The following RREB1 variants were observed in gnomAD, a reference collection of about 807,000 sequenced individuals.
The protein encoded by RREB1 is ras-responsive element-binding protein 1.
RREB1 carries 27 observed loss-of-function variants against 117.8 expected under a neutral mutation model. That is an observed-to-expected ratio of 0.23 (90% CI 0.17 to 0.32). The LOEUF is 0.32. Among genes scored for constraint, RREB1 ranks in the 10% least tolerant of loss-of-function variants. The pLI is 1.00. For synonymous variants in RREB1, 1,298 were observed against 1,026.7 expected (o/e 1.26, Z -5.05); for missense variants, 2,577 against 2,378.2 (o/e 1.08, Z -1.74).
At chr6:7,125,987 T>TTTTGTTTGTTTG (rs58891233) in intron 1 of RREB1, among the ~76,000 whole-genome samples, 3,403 of 150,790 alleles carry the variant, frequency 0.023, 47 homozygotes, top group Admixed American at 0.04. Context: ...AAGGACTGTT[T>TTTTGTTTGTTTG]TTTGTTTGTT....
At chr6:7,140,220 A>G (rs955874008) in intron 1 of RREB1, among the ~76,000 whole-genome samples, 6 of 152,242 alleles carry the variant, frequency 3.9e-5, no homozygotes, top group Non-Finnish European at 5.9e-5. Flanking sequence ...TGGCAAGGCA[A>G]GTGACTTTAA....
intron 6 of RREB1, among the ~76,000 whole-genome samples, chr6:7,208,317 G>A (rs181415837): frequency 3.9e-5 from 6 of 152,278 alleles, no homozygotes; most frequent in African/African-American, 1.2e-4. Context: ...TCCTGTTGTT[G>A]GAGGCTAGGG....
Position 7,246,556 on chromosome 6 carries a change from C to A in RREB1, c.4106C>A (p.Ala1369Asp). ...QVAGDAPVEQATAETASPVHR... is the reference protein window; with the variant it reads ...QVAGDAPVEQDTAETASPVHR... ...GCAGGGGATGCGCCTGTGGAGCAGG[C>A]CACGGCGGAAACGGCCTCGCCGGTG... The change falls in exon 12 of 13, where the codon GCC becomes GAC. Residue 1369 changes from alanine to aspartate, a missense_variant. Transcript: ENST00000379938. The A allele has an allele frequency of 6.5e-7, 1 of 1,548,506 alleles. No homozygotes were observed. Among genetic ancestry groups the A allele is most frequent in the Admixed American group, 2.0e-5 (1 of 51,056 alleles).
rs150753667 is a variant in RREB1 at position 7,129,570 on chromosome 6, A to G, written c.-285+21510A>G. On this transcript the variant is annotated intron_variant, in intron 1 of 12. Transcript: ENST00000379938. The stretch of plus-strand genomic sequence containing the variant: ...CAGGATGAACCAAGAGGCAGCACCC[A>G]GGATATCTGAATTGCCTAAAGCCAC... Among the ~76,000 whole-genome samples, 930 of 152,372 alleles carry G rather than the reference A, an allele frequency of 6.1e-3. 5 individuals are homozygous for G. Among genetic ancestry groups the G allele is most frequent in the African/African-American group, 0.021 (856 of 41,592 alleles).
intron 1 of RREB1, among the ~76,000 whole-genome samples, chr6:7,169,106 C>T (rs1764094089): frequency 6.6e-6 from 1 of 152,054 alleles, no homozygotes; most frequent in Non-Finnish European, 1.5e-5. Flanking sequence ...TTACTTATAG[C>T]AACATTCTTT....
intron 5 of RREB1, among the ~76,000 whole-genome samples, chr6:7,188,257 G>A (rs1025758076): frequency 4.1e-4 from 63 of 151,948 alleles, no homozygotes; most frequent in African/African-American, 1.3e-3. Context: ...GTGTGTGCGC[G>A]CGCGCACGTG....
At chr6:7,181,727 G>A (rs528607371) in intron 3 of RREB1, 143 bp from the exon 4 acceptor site, 25 of 715,070 alleles carry the variant, frequency 3.5e-5, no homozygotes, top group South Asian at 2.0e-4. Flanking sequence ...CACTCTGGGC[G>A]TGAATGTGGC....
At chr6:7,169,905 T>G (rs932298451) in intron 1 of RREB1, among the ~76,000 whole-genome samples, 2 of 152,188 alleles carry the variant, frequency 1.3e-5, no homozygotes, top group African/African-American at 4.8e-5. Context: ...GTAGATAAAT[T>G]TGGTAGGCAG....
At chr6:7,137,984 AC>A (rs1195248650) in intron 1 of RREB1, among the ~76,000 whole-genome samples, 2 of 152,016 alleles carry the variant, frequency 1.3e-5, no homozygotes, top group Non-Finnish European at 2.9e-5. Flanking sequence ...TCACTCACTT[AC>A]GCCTAGTCAG....
At chr6:7,219,587 C>T (rs1581556260) in intron 8 of RREB1, among the ~76,000 whole-genome samples, 1 of 152,148 alleles carries the variant, frequency 6.6e-6, no homozygotes, top group African/African-American at 2.4e-5. Context: ...ACCATGTTAG[C>T]GCTGTGCCCT....
At chr6:7,221,419 G>A (rs546673567) in intron 8 of RREB1, among the ~76,000 whole-genome samples, 131 of 152,180 alleles carry the variant, frequency 8.6e-4, no homozygotes, top group Middle Eastern at 3.4e-3. Flanking sequence ...TGATCCACCC[G>A]CCTCGGCCTC....
At chr6:7,134,926 G>A (rs139395592) in intron 1 of RREB1, among the ~76,000 whole-genome samples, 293 of 152,274 alleles carry the variant, frequency 1.9e-3, no homozygotes, top group African/African-American at 6.8e-3. Flanking sequence ...TACACTGAAC[G>A]GTTTCCAGAG....
At position 7,210,926 on chromosome 6, in the gene RREB1, A is replaced by G. The variant is rs1304514636; in HGVS notation, c.548A>G (p.Glu183Gly). The change falls in exon 7 of 13, where the codon GAA becomes GGA. Residue 183 changes from glutamate to glycine, a missense_variant. Glu to Gly is a moderately conservative substitution (Grantham distance 98). Coordinates refer to ENST00000379938, the MANE Select transcript of RREB1 (RefSeq NM_001003699.4). ...AGTCACGATGCCGAGTCAGAGAGAGAAGACCCAGCACCAGCTAAAAAGGTC... is the reference window on the plus strand; with the variant it reads ...AGTCACGATGCCGAGTCAGAGAGAGGAGACCCAGCACCAGCTAAAAAGGTC... ...KLSHDAESER[E>G]DPAPAKKMVE... is the part of the protein sequence containing the mutation. The G allele has an allele frequency of 1.9e-6, 3 of 1,613,992 alleles. No individual in the cohort carries two copies. Among genetic ancestry groups the G allele is most frequent in the Non-Finnish European group, 1.7e-6 (2 of 1,180,000 alleles).
intron 8 of RREB1, 181 bp downstream of exon 8, chr6:7,211,890 G>T (rs1007362500): frequency 1.7e-4 from 106 of 634,116 alleles, no homozygotes; most frequent in Non-Finnish European, 2.4e-4. Flanking sequence ...GTCAGAGGGT[G>T]GCTGTATCCA....
intron 1 of RREB1, among the ~76,000 whole-genome samples, chr6:7,124,702 T>A (rs1761834766): frequency 6.6e-6 from 1 of 152,226 alleles, no homozygotes; most frequent in Admixed American, 6.5e-5. Context: ...GCAGCAGTCA[T>A]AAGATCTAAC....
intron 1 of RREB1, among the ~76,000 whole-genome samples, chr6:7,120,507 CAGTG>C (rs569516982): frequency 5.6e-4 from 85 of 152,220 alleles, no homozygotes; most frequent in African/African-American, 1.9e-3. Flanking sequence ...ACTTATGTAA[CAGTG>C]AGAAACAGAC....
At chr6:7,216,439 G>A (rs1175291654) in intron 8 of RREB1, 1 of 152,200 alleles carries the variant, frequency 6.6e-6, no homozygotes, top group Non-Finnish European at 1.5e-5. Flanking sequence ...TCTCTGTTGG[G>A]AATTGGTACA....
chr6:7,204,218 C>T (rs1766145676), intron 6 of RREB1, among the ~76,000 whole-genome samples: 1 of 152,200 alleles, frequency 6.6e-6, no homozygotes, highest in African/African-American at 2.4e-5. Context: ...TGAACCCATA[C>T]AACACCTGAA....
chr6:7,223,156 C>G (rs950672334), intron 8 of RREB1, among the ~76,000 whole-genome samples: 5 of 149,580 alleles, frequency 3.3e-5, no homozygotes, highest in African/African-American at 1.2e-4. Context: ...TGAAGGGAGG[C>G]TGAGGTGGGA....
Sources: gnomAD v4.1 joint callset for allele counts (sites outside exome capture counted in the v4.1 genomes callset) on GRCh38, gnomAD v4.1.1 for gene constraint, MANE v1.5 for transcripts, NCBI Gene and HGNC (gene_info 2026-07-23, HGNC 2026-07-21) for gene names.